The following LINGO2 variants were observed in gnomAD, a reference collection of about 807,000 sequenced individuals.
LINGO2 encodes leucine rich repeat and Ig domain containing 2.
A neutral mutation model predicts 30.6 loss-of-function variants in LINGO2; 14 were observed. The ratio of observed to expected loss-of-function variants is 0.46; its 90% CI spans 0.30 to 0.72. LINGO2 has a LOEUF of 0.72. Ranked by LOEUF, LINGO2 falls within the 30% of genes least tolerant of loss-of-function variation. LINGO2 has a pLI of 0.07. For missense variants in LINGO2, 729 were observed against 751.7 expected, an observed-to-expected ratio of 0.97 and a Z score of 0.35; for synonymous variants, 317 against 288.5, an observed-to-expected ratio of 1.10 and a Z score of -1.00.
At chr9:28,177,459 A>G (rs1385078901) in intron 4 of LINGO2, among the ~76,000 whole-genome samples, 2 of 152,312 alleles carry the variant, frequency 1.3e-5, no homozygotes, top group Middle Eastern at 6.8e-3. Context: ...TCATAGATAC[A>G]TGTGCAAATC....
At chr9:27,999,471 A>T (rs1270400601) in intron 5 of LINGO2, among the ~76,000 whole-genome samples, 3 of 146,082 alleles carry the variant, frequency 2.1e-5, no homozygotes, top group Middle Eastern at 3.4e-3. Flanking sequence ...AGAGAGAGAG[A>T]GTCTGTGTGA....
chr9:29,105,254 C>T, the LINGO2 span, among the ~76,000 whole-genome samples: 3 of 152,146 alleles, frequency 2.0e-5, no homozygotes, highest in Non-Finnish European at 4.4e-5. Context: ...TCTTTATCCA[C>T]ATTATCAATC....
At chr9:28,870,379 G>A in the LINGO2 span, among the ~76,000 whole-genome samples, 1 of 151,906 alleles carries the variant, frequency 6.6e-6, no homozygotes, top group African/African-American at 2.4e-5. Flanking sequence ...ATGACTTTAT[G>A]TACTTCTTGC....
chr9:28,755,329 C>T, the LINGO2 span, among the ~76,000 whole-genome samples: 1 of 152,070 alleles, frequency 6.6e-6, no homozygotes, highest in Admixed American at 6.5e-5. Context: ...CAAAGCTTTT[C>T]TATTTACTAG....
rs150589266 is a variant in LINGO2, at chr9:28,361,360, G to A, written c.-246+11476C>T. ...ATGTATAGGGAAAAACATAGAGTTC[G>A]ATATTATCTGTGGCCAGGCATCCAC... On this transcript the variant is annotated intron_variant, in intron 3 of 5. Transcript: ENST00000379992. Among the ~76,000 whole-genome samples the A allele has an allele frequency of 3.6e-3, 551 of 152,134 alleles. 5 individuals carry two copies. Among genetic ancestry groups the A allele is most frequent in the African/African-American group, 0.012 (518 of 41,508 alleles).
the LINGO2 span, among the ~76,000 whole-genome samples, chr9:28,989,951 C>T: frequency 0.038 from 5,761 of 152,208 alleles, 182 homozygotes; most frequent in Admixed American, 0.076. Flanking sequence ...GTCTACAGCT[C>T]CCAGCGTGAG....
the LINGO2 span, among the ~76,000 whole-genome samples, chr9:28,824,632 A>T: frequency 6.6e-6 from 1 of 152,150 alleles, no homozygotes; most frequent in Non-Finnish European, 1.5e-5. Flanking sequence ...AGCAGGAAAG[A>T]CTGATTAATG....
the LINGO2 span, among the ~76,000 whole-genome samples, chr9:29,083,770 A>T: frequency 6.6e-6 from 1 of 152,102 alleles, no homozygotes; most frequent in Non-Finnish European, 1.5e-5. Context: ...AAGGGGTTGT[A>T]CCAGTTTTGA....
At chr9:29,198,909 T>C in the LINGO2 span, among the ~76,000 whole-genome samples, 3 of 152,186 alleles carry the variant, frequency 2.0e-5, no homozygotes, top group African/African-American at 4.8e-5. Context: ...TCCTGTATCA[T>C]AGAAAATTCA....
intron 1 of LINGO2, among the ~76,000 whole-genome samples, chr9:28,549,142 CATT>C (rs1173223538): frequency 1.3e-5 from 2 of 152,048 alleles, no homozygotes; most frequent in Non-Finnish European, 2.9e-5. Context: ...TATTTTCCAT[CATT>C]TTGAATTATT....
chr9:28,030,877 C>A (rs978429031), intron 4 of LINGO2, among the ~76,000 whole-genome samples: 1 of 152,090 alleles, frequency 6.6e-6, no homozygotes, highest in Non-Finnish European at 1.5e-5. Flanking sequence ...ACTCTGAAGT[C>A]ATTTAAGTAA....
At chr9:28,243,067 G>C (rs1241738794) in intron 4 of LINGO2, among the ~76,000 whole-genome samples, 1 of 152,096 alleles carries the variant, frequency 6.6e-6, no homozygotes, top group Non-Finnish European at 1.5e-5. Flanking sequence ...GCATCAACTA[G>C]TGTGCAAAAT....
chr9:28,779,467 T>C, the LINGO2 span, among the ~76,000 whole-genome samples: 91 of 152,272 alleles, frequency 6.0e-4, no homozygotes, highest in African/African-American at 2.1e-3. Context: ...CAAAACCATG[T>C]GTTTTCCCCT....
At chr9:28,663,754 C>T (rs556319783) in intron 1 of LINGO2, among the ~76,000 whole-genome samples, 30 of 152,132 alleles carry the variant, frequency 2.0e-4, no homozygotes, top group African/African-American at 7.0e-4. Context: ...TTAATTGTAG[C>T]TCCCTTCACT....
intron 1 of LINGO2, among the ~76,000 whole-genome samples, chr9:28,655,956 TG>T (rs1421164943): frequency 1.3e-5 from 2 of 152,108 alleles, no homozygotes; most frequent in East Asian, 3.9e-4. Flanking sequence ...ATTAGGGGGC[TG>T]TACATCACAG....
intron 2 of LINGO2, among the ~76,000 whole-genome samples, chr9:28,450,856 A>C (rs777103709): frequency 2.0e-5 from 3 of 151,992 alleles, no homozygotes; most frequent in African/African-American, 7.2e-5. Context: ...ATAAAAATAA[A>C]AGTTAAACCA....
the LINGO2 span, among the ~76,000 whole-genome samples, chr9:28,907,220 T>C: frequency 4.9e-4 from 75 of 151,920 alleles, no homozygotes; most frequent in Middle Eastern, 3.4e-3. Flanking sequence ...GCCATAGAAA[T>C]AGACGAAATG....
At chr9:29,115,962 G>T in the LINGO2 span, among the ~76,000 whole-genome samples, 2 of 151,896 alleles carry the variant, frequency 1.3e-5, no homozygotes, top group Non-Finnish European at 2.9e-5. Flanking sequence ...TAGCAAAAAT[G>T]GAAACTAAAT....
At chr9:28,614,954 C>A (rs1826075451) in intron 1 of LINGO2, among the ~76,000 whole-genome samples, 1 of 152,096 alleles carries the variant, frequency 6.6e-6, no homozygotes, top group African/African-American at 2.4e-5. Context: ...TCCAACCTTA[C>A]AGGCTTCTCA....
Sources: gnomAD v4.1 joint callset for allele counts (sites outside exome capture counted in the v4.1 genomes callset) on GRCh38, gnomAD v4.1.1 for gene constraint, MANE v1.5 for transcripts, NCBI Gene and HGNC (gene_info 2026-07-23, HGNC 2026-07-21) for gene names.